The following LAMA3 variants were observed in gnomAD, a reference collection of about 807,000 sequenced individuals.
LAMA3 encodes laminin subunit alpha-3.
LAMA3 carries 281 observed loss-of-function variants against 402.0 expected under a neutral mutation model. The ratio of observed to expected loss-of-function variants is 0.70; its 90% CI spans 0.63 to 0.77. The LOEUF (loss-of-function observed/expected upper bound fraction) is 0.77, where lower values mean the gene tolerates loss of function less well. LAMA3 is among the 30% of genes least tolerant of loss of function. The pLI, the probability that LAMA3 is intolerant of heterozygous loss-of-function variation, is 0.00. For missense variants in LAMA3, 3,840 were observed against 4,215.5 expected, an observed-to-expected ratio of 0.91 and a Z score of 2.47; for synonymous variants, 1,431 against 1,558.4, an observed-to-expected ratio of 0.92 and a Z score of 1.93.
intron 38 of LAMA3, among the ~76,000 whole-genome samples, chr18:23,874,467 C>T (rs1361521077): frequency 6.6e-6 from 1 of 152,182 alleles, no homozygotes; most frequent in East Asian, 1.9e-4. Flanking sequence ...TACTCTTTGC[C>T]CTAAACATGG....
At position 23,764,373 on chromosome 18, in the gene LAMA3, T is replaced by C. The variant is rs145891979; in HGVS notation, c.1182+850T>C. 1.3e-3 allele frequency among the ~76,000 whole-genome samples: 203 copies of C among 152,354 alleles called. 1 individual carries two copies. Among genetic ancestry groups the C allele is most frequent in the African/African-American group, 4.4e-3 (182 of 41,594 alleles). On this transcript the variant is annotated intron_variant, in intron 8 of 74. Coordinates refer to ENST00000313654, the MANE Select transcript of LAMA3 (RefSeq NM_198129.4). ...GAAATCCCAGGATAAGGCTAAGCAC[T>C]ATAAGACCTTCAAGTGATTTGTGTG...
At chr18:23,928,514 G>C in intron 63 of LAMA3, 111 bp from the exon 64 acceptor site, 1 of 1,103,754 alleles carries the variant, frequency 9.1e-7, no homozygotes. Flanking sequence ...TCTTTCTGAG[G>C]TTACATAAAT....
intron 37 of LAMA3, among the ~76,000 whole-genome samples, chr18:23,869,074 T>A (rs748428129): frequency 2.5e-4 from 38 of 152,132 alleles, no homozygotes; most frequent in Non-Finnish European, 5.0e-4. Flanking sequence ...ACAGGTGATA[T>A]CAGTAAAATG....
intron 56 of LAMA3, among the ~76,000 whole-genome samples, 163 bp downstream of exon 56, chr18:23,913,044 C>G (rs940788768): frequency 6.6e-6 from 1 of 152,210 alleles, no homozygotes; most frequent in African/African-American, 2.4e-5. Context: ...CCCACCTCCC[C>G]ACTGTGGCAG....
chr18:23,813,289 A>G lies in LAMA3; in HGVS notation c.1788+186A>G, dbSNP rs553687579. Among the ~76,000 whole-genome samples the G allele has an allele frequency of 9.2e-5, 14 of 152,232 alleles. No individual in the cohort carries two copies. The East Asian group carries it at 2.1e-3, about 23-fold the overall frequency. On this transcript the variant is annotated intron_variant, in intron 14 of 74. Transcript: ENST00000313654. Reference sequence around the variant, plus strand: ...GATTTTTTTTTTCAAAAACAAAAGAATAAGATTTAGTTAAACTTGTTACTC... The same window carrying G: ...GATTTTTTTTTTCAAAAACAAAAGAGTAAGATTTAGTTAAACTTGTTACTC...
chr18:23,700,746 C>T (rs1445197061), intron 1 of LAMA3, among the ~76,000 whole-genome samples: 4 of 151,982 alleles, frequency 2.6e-5, no homozygotes, highest in East Asian at 1.9e-4. Flanking sequence ...CGCCTGGGCT[C>T]GAGTGTGGTG....
chr18:23,710,299 A>T (rs1488873630), intron 1 of LAMA3: 2 of 496,616 alleles, frequency 4.0e-6, no homozygotes, highest in Non-Finnish European at 7.3e-6. Flanking sequence ...TTGTGAAAAG[A>T]CCGCAAGTTT....
chr18:23,693,100 T>C (rs999037230), intron 1 of LAMA3, among the ~76,000 whole-genome samples: 3 of 152,172 alleles, frequency 2.0e-5, no homozygotes, highest in Admixed American at 2.0e-4. Context: ...TCCCAGCACT[T>C]TGGGAGGCCG....
intron 32 of LAMA3, among the ~76,000 whole-genome samples, chr18:23,854,622 C>T (rs2064023873): frequency 6.7e-6 from 1 of 148,638 alleles, no homozygotes; most frequent in Non-Finnish European, 1.5e-5. Context: ...GCCTGGGTGA[C>T]AGAGCGAGAC....
At chr18:23,874,997 G>C (rs1033767444) in intron 38 of LAMA3, among the ~76,000 whole-genome samples, 3 of 152,160 alleles carry the variant, frequency 2.0e-5, no homozygotes, top group Non-Finnish European at 4.4e-5. Flanking sequence ...CCGAGTAGCT[G>C]GGACTATAGG....
intron 2 of LAMA3, among the ~76,000 whole-genome samples, chr18:23,714,562 A>G (rs2061060663): frequency 6.6e-6 from 1 of 152,188 alleles, no homozygotes; most frequent in Admixed American, 6.5e-5. Context: ...GCCTGGCAGC[A>G]TGCAGATAGA....
intron 66 of LAMA3, chr18:23,932,582 T>C: frequency 2.7e-6 from 1 of 373,582 alleles, no homozygotes; most frequent in South Asian, 2.3e-5. Flanking sequence ...TGGAATTTTA[T>C]TGCATTATAA....
intron 1 of LAMA3, among the ~76,000 whole-genome samples, chr18:23,700,058 T>A (rs1036629284): frequency 1.3e-5 from 2 of 152,138 alleles, no homozygotes. Context: ...CCCCATGATC[T>A]TTTTTTATCC....
At chr18:23,731,797 A>G (rs62093351) in intron 2 of LAMA3, among the ~76,000 whole-genome samples, 10,764 of 152,078 alleles carry the variant, frequency 0.071, 503 homozygotes, top group African/African-American at 0.13. Context: ...GGGTTGGGAA[A>G]CTACTGGGTA....
In LAMA3 at chr18:23,713,922, C is replaced by T. The variant is rs1169554451; in HGVS notation, c.297C>T (p.Gly99=). 2 of 1,610,312 alleles carry T rather than the reference C, an allele frequency of 1.2e-6. No individual in the cohort carries two copies. Among genetic ancestry groups the T allele is most frequent in the South Asian group, 2.2e-5 (2 of 90,402 alleles). ...TAPGSGHTIQ[G]QFCDYCNSED... is the part of the protein sequence containing the mutation. ...AAAACCCACTTTTTTTTTTTCAGGG[C>T]CAGTTCTGTGACTATTGCAATTCTG... is the stretch of plus-strand genomic sequence containing the variant. The change falls in exon 2 of 75, where the codon GGC becomes GGT. Residue 99 remains glycine, a splice_region_variant and synonymous_variant. Transcript: ENST00000313654.
chr18:23,815,670 T>A, intron 17 of LAMA3, 97 bp downstream of exon 17: 1 of 866,190 alleles, frequency 1.2e-6, no homozygotes, highest in Non-Finnish European at 1.9e-6. Flanking sequence ...TCACGCAGAC[T>A]TTCTGATGGA....
intron 12 of LAMA3, among the ~76,000 whole-genome samples, chr18:23,796,699 A>AT (rs1272297540): frequency 4.0e-5 from 6 of 151,580 alleles, no homozygotes; most frequent in East Asian, 3.9e-4. Context: ...CTTCCCATTG[A>AT]TTTTTTTTTA....
At chr18:23,897,905 T>A (rs968561225) in intron 44 of LAMA3, among the ~76,000 whole-genome samples, 3 of 152,198 alleles carry the variant, frequency 2.0e-5, no homozygotes, top group African/African-American at 7.2e-5. Context: ...ATCCCCAATT[T>A]ACTAATGGAA....
At chr18:23,813,034 A>T (rs2063104281) in intron 13 of LAMA3, 23 bp from the exon 14 acceptor site, 1 of 1,569,052 alleles carries the variant, frequency 6.4e-7, no homozygotes, top group Non-Finnish European at 8.8e-7. Flanking sequence ...CAGATAATTT[A>T]AAAATTTCTG....
Sources: allele counts gnomAD v4.1 joint callset (sites outside exome capture counted in the v4.1 genomes callset), GRCh38; gene constraint gnomAD v4.1.1; transcripts MANE v1.5; gene names NCBI Gene and HGNC (gene_info 2026-07-23, HGNC 2026-07-21).